XKR4: variants seen among roughly 807,000 people sequenced by gnomAD.
XKR4 encodes XK related 4.
Under a neutral mutation model 53.9 loss-of-function variants are expected in XKR4, and 12 were observed. That is an observed-to-expected ratio of 0.22 (90% CI 0.14 to 0.36). The LOEUF is 0.36. Among genes scored for constraint, XKR4 ranks in the 10% least tolerant of loss-of-function variants. The probability of loss-of-function intolerance (pLI) is 1.00; values close to 1 mark genes in which losing one functional copy is unlikely to be tolerated. For missense variants in XKR4, 799 were observed against 859.5 expected, an observed-to-expected ratio of 0.93 and a Z score of 0.88; for synonymous variants, 354 against 362.4, an observed-to-expected ratio of 0.98 and a Z score of 0.26.
chr8:55,102,785 C>T lies in XKR4; in HGVS notation c.297C>T (p.Arg99=). ...GGAGSAALCL[R]LGREQRRYSL... is the part of the protein sequence containing the mutation. ...CGGGCTCGGCTGCGCTGTGCCTGCG[C>T]CTGGGCAGGGAGCAGCGGCGCTACT... The change falls in exon 1 of 3, where the codon CGC becomes CGT. Residue 99 remains arginine (R), a synonymous_variant. Coordinates refer to ENST00000327381, the MANE Select transcript of XKR4 (RefSeq NM_052898.2). This position sits in a 1 kb window ranked among gnomAD's most constrained non-coding sequence, Gnocchi z 5.1. 6.3e-7 allele frequency: 1 copy of T among 1,586,796 alleles called. No individual in the cohort carries two copies. Among genetic ancestry groups the T allele is most frequent in the Non-Finnish European group, 8.5e-7 (1 of 1,173,000 alleles).
chr8:55,185,327 A>G (rs1817361848), intron 1 of XKR4, among the ~76,000 whole-genome samples: 1 of 152,236 alleles, frequency 6.6e-6, no homozygotes, highest in Admixed American at 6.5e-5. Flanking sequence ...CATTGAGGCA[A>G]TAATTCCTGT....
intron 2 of XKR4, among the ~76,000 whole-genome samples, chr8:55,358,165 G>A (rs1803849638): frequency 6.6e-6 from 1 of 152,182 alleles, no homozygotes; most frequent in South Asian, 2.1e-4. Context: ...GTCAACTGAG[G>A]CTTTCTGGTT....
rs143609046 is a variant in XKR4, at chr8:55,508,587, C to G, written c.1007-14694C>G. 2.3e-3 allele frequency among the ~76,000 whole-genome samples: 345 copies of G among 152,248 alleles called. 1 individual carries two copies. The highest frequency in any genetic ancestry group is 7.9e-3 in the African/African-American group (329 of 41,546). On this transcript the variant is annotated intron_variant, in intron 2 of 2. Transcript: ENST00000327381. ...GATAGGTTTCTCAAAGGAGATGGCT[C>G]AAGCAAGCATCACAGACTTGTCAGC...
intron 1 of XKR4, among the ~76,000 whole-genome samples, chr8:55,252,610 T>C (rs1024940900): frequency 6.6e-6 from 1 of 152,218 alleles, no homozygotes; most frequent in African/African-American, 2.4e-5. Flanking sequence ...CACATTCTTA[T>C]GCATAAACTG....
chr8:55,325,859 C>T (rs894177946), intron 1 of XKR4, among the ~76,000 whole-genome samples: 2 of 152,144 alleles, frequency 1.3e-5, no homozygotes, highest in Non-Finnish European at 2.9e-5. Flanking sequence ...AGAATAAGAC[C>T]TGGTAATTCC....
chr8:55,113,785 T>C (rs1191114389), intron 1 of XKR4, among the ~76,000 whole-genome samples: 2 of 152,206 alleles, frequency 1.3e-5, no homozygotes, highest in Non-Finnish European at 2.9e-5. Context: ...TGTCCATGTG[T>C]ACCCATTGTT....
chr8:55,304,457 G>A (rs1327330705), intron 1 of XKR4, among the ~76,000 whole-genome samples: 2 of 152,156 alleles, frequency 1.3e-5, no homozygotes, highest in Non-Finnish European at 1.5e-5. Context: ...GTGGTGCTGA[G>A]AAGAATGTAT....
chr8:55,165,212 G>A (rs1250539879), intron 1 of XKR4, among the ~76,000 whole-genome samples: 2 of 152,160 alleles, frequency 1.3e-5, no homozygotes, highest in African/African-American at 4.8e-5. Flanking sequence ...CTCAATGTGA[G>A]ACTAATGACA....
At chr8:55,331,592 A>T (rs776537712) in intron 1 of XKR4, among the ~76,000 whole-genome samples, 1 of 152,144 alleles carries the variant, frequency 6.6e-6, no homozygotes. Flanking sequence ...TCTCCTTTAC[A>T]TTCTGTCAAT....
At chr8:55,213,933 C>G (rs1280949205) in intron 1 of XKR4, among the ~76,000 whole-genome samples, 4 of 147,308 alleles carry the variant, frequency 2.7e-5, no homozygotes, top group Admixed American at 1.4e-4. Context: ...GCAATCTCCG[C>G]CCACTGCAAG....
rs1816046056 is a variant in XKR4 at position 55,102,061 on chromosome 8, G to C, written c.-428G>C. 6.6e-6 allele frequency among the ~76,000 whole-genome samples: 1 copy of C among 152,084 alleles called. No individual in the cohort carries two copies. ...CCTCGGAGTCAGCTGGTGGAGGAGAGGAAGCGGGAGGAGGGAGCGCGCGCG... is the reference window on the plus strand; with the variant it reads ...CCTCGGAGTCAGCTGGTGGAGGAGACGAAGCGGGAGGAGGGAGCGCGCGCG... On this transcript the variant is annotated 5_prime_UTR_variant, in exon 1 of 3. Coordinates refer to ENST00000327381, the MANE Select transcript of XKR4 (RefSeq NM_052898.2). The surrounding 1 kb of genome is among the most constrained non-coding windows in gnomAD (Gnocchi z 5.1).
At chr8:55,294,858 G>A (rs554003338) in intron 1 of XKR4, among the ~76,000 whole-genome samples, 8 of 152,234 alleles carry the variant, frequency 5.3e-5, no homozygotes, top group South Asian at 2.1e-4. Context: ...GGGGAAAGAC[G>A]AAGACCTCAG....
intron 2 of XKR4, among the ~76,000 whole-genome samples, chr8:55,499,785 G>A (rs1391655897): frequency 6.6e-6 from 1 of 152,076 alleles, no homozygotes; most frequent in Non-Finnish European, 1.5e-5. Context: ...CAGCTGTTGC[G>A]CTGTCTTTAG....
At chr8:55,255,493 T>G (rs1563494358) in intron 1 of XKR4, among the ~76,000 whole-genome samples, 2 of 152,194 alleles carry the variant, frequency 1.3e-5, no homozygotes, top group Non-Finnish European at 2.9e-5. Context: ...GTGAATTTCA[T>G]GAAGGCGAAG....
chr8:55,504,179 T>G (rs1259794826), intron 2 of XKR4, among the ~76,000 whole-genome samples: 1 of 145,448 alleles, frequency 6.9e-6, no homozygotes, highest in Non-Finnish European at 1.5e-5. Context: ...TTTTTGTTGT[T>G]GTTGTTGTTT....
intron 1 of XKR4, among the ~76,000 whole-genome samples, chr8:55,262,166 A>G (rs1585974190): frequency 6.6e-6 from 1 of 152,336 alleles, no homozygotes; most frequent in East Asian, 1.9e-4. Flanking sequence ...GATATTGATA[A>G]ATTAATTCTT....
chr8:55,314,298 T>C (rs554105763), intron 1 of XKR4, among the ~76,000 whole-genome samples: 8 of 152,288 alleles, frequency 5.3e-5, no homozygotes, highest in Admixed American at 1.3e-4. Context: ...GTACCAGTGG[T>C]AATTCAATTA....
chr8:55,208,006 G>T (rs1194114222), intron 1 of XKR4, among the ~76,000 whole-genome samples: 1 of 152,086 alleles, frequency 6.6e-6, no homozygotes, highest in Non-Finnish European at 1.5e-5. Context: ...AGTAGCCTGT[G>T]GGCTATAGTG....
At chr8:55,428,440 T>C (rs1805050795) in intron 2 of XKR4, among the ~76,000 whole-genome samples, 1 of 152,186 alleles carries the variant, frequency 6.6e-6, no homozygotes, top group Non-Finnish European at 1.5e-5. Flanking sequence ...CAGTTGCCAC[T>C]CTACTCCAGC....
Sources: gnomAD v4.1 joint callset for allele counts (sites outside exome capture counted in the v4.1 genomes callset) on GRCh38, gnomAD v4.1.1 for gene constraint, Gnocchi (gnomAD v3.1) non-coding constraint, MANE v1.5 for transcripts, NCBI Gene and HGNC (gene_info 2026-07-23, HGNC 2026-07-21) for gene names.